GNG2: variants seen among roughly 807,000 people sequenced by gnomAD.
GNG2 encodes guanine nucleotide-binding protein G(I)/G(S)/G(O) subunit gamma-2.
A neutral mutation model predicts 5.5 loss-of-function variants in GNG2; 5 were observed. The observed-to-expected ratio is 0.91, with a 90% CI of 0.48 to 1.92. The LOEUF is 1.92. Among genes scored for constraint, GNG2 ranks in the 30% most tolerant of loss-of-function variants. GNG2 has a pLI of 0.01. For missense variants in GNG2, 55 were observed against 88.4 expected (o/e 0.62, Z 1.52); for synonymous variants, 28 against 32.0 (o/e 0.88, Z 0.42).
At chr14:51,850,973 G>A (rs1881881345) in intron 2 of GNG2, among the ~76,000 whole-genome samples, 1 of 152,222 alleles carries the variant, frequency 6.6e-6, no homozygotes, top group Admixed American at 6.5e-5. Flanking sequence ...TTCAACATGA[G>A]ATTTGGGTGG....
chr14:51,946,018 C>T (rs1888623404), intron 2 of GNG2, among the ~76,000 whole-genome samples: 1 of 152,174 alleles, frequency 6.6e-6, no homozygotes, highest in African/African-American at 2.4e-5. Flanking sequence ...TTTCAGGAAA[C>T]AGCTAGAAAG....
intron 2 of GNG2, among the ~76,000 whole-genome samples, chr14:51,834,729 A>C (rs763564757): frequency 3.9e-5 from 6 of 152,206 alleles, no homozygotes; most frequent in Non-Finnish European, 7.3e-5. Context: ...GAATTTGGGA[A>C]CACATCTAGC....
At chr14:51,832,139 GC>G (rs61021613) in intron 2 of GNG2, among the ~76,000 whole-genome samples, 35,310 of 151,704 alleles carry the variant, frequency 0.23, 4,741 homozygotes, top group African/African-American at 0.36. Flanking sequence ...AATTAGTCGG[GC>G]ATGGTGGCAC....
In GNG2 at chr14:51,952,023, T is replaced by G. The variant is rs1889006359; in HGVS notation, c.87+1258T>G. The G allele has an allele frequency of 4.7e-6, 3 of 632,998 alleles. No homozygotes were observed. In the African/African-American group the frequency reaches 5.5e-5, roughly 12 times the overall value. The allele number at this position is 632,998 out of a possible 1,614,324, so 39.2% of individuals were successfully genotyped here. On this transcript the variant is annotated intron_variant, in intron 3 of 3. Coordinates refer to ENST00000556766, the MANE Select transcript of GNG2 (RefSeq NM_053064.5). ...AAATTAGAATCTCCTGGGGTATGAT[T>G]CAGGCATCAGTATTTTTTAAAAAGA... is the stretch of plus-strand genomic sequence containing the variant.
At chr14:51,875,618 A>G (rs1355478718) in intron 1 of GNG2, among the ~76,000 whole-genome samples, 1 of 151,828 alleles carries the variant, frequency 6.6e-6, no homozygotes, top group Non-Finnish European at 1.5e-5. Context: ...ATACTAGAAA[A>G]TGTGTTATAT....
chr14:51,884,356 C>A (rs1236738297), intron 2 of GNG2, among the ~76,000 whole-genome samples: 2 of 152,136 alleles, frequency 1.3e-5, no homozygotes, highest in Admixed American at 6.5e-5. Flanking sequence ...AGTAATAAAC[C>A]TTAATGTAGT....
chr14:51,928,399 T>A (rs537695470), intron 2 of GNG2, among the ~76,000 whole-genome samples: 18 of 152,254 alleles, frequency 1.2e-4, no homozygotes, highest in African/African-American at 4.3e-4. Flanking sequence ...CAAGAACAGA[T>A]AATATCATCC....
chr14:51,875,258 A>C (rs201897925), intron 1 of GNG2, among the ~76,000 whole-genome samples: 3 of 152,316 alleles, frequency 2.0e-5, no homozygotes, highest in East Asian at 3.9e-4. Flanking sequence ...TTCATTGTCT[A>C]AGGTGGCTTG....
chr14:51,923,961 G>A (rs1887168617), intron 2 of GNG2, among the ~76,000 whole-genome samples: 1 of 152,080 alleles, frequency 6.6e-6, no homozygotes, highest in African/African-American at 2.4e-5. Flanking sequence ...CAGAGATGTT[G>A]GAATTTGTAC....
intron 2 of GNG2, among the ~76,000 whole-genome samples, chr14:51,927,403 C>T (rs969305875): frequency 1.6e-4 from 24 of 152,312 alleles, no homozygotes; most frequent in African/African-American, 5.8e-4. Flanking sequence ...TATTTATTAG[C>T]TGGAGAAAAA....
chr14:51,845,826 A>C (rs768251499), intron 2 of GNG2, among the ~76,000 whole-genome samples: 17 of 152,180 alleles, frequency 1.1e-4, no homozygotes, highest in Non-Finnish European at 1.8e-4. Context: ...CCAGTTTGGG[A>C]CGTGCTGGCC....
chr14:51,948,878 T>C (rs929102101), intron 2 of GNG2, among the ~76,000 whole-genome samples: 3 of 152,024 alleles, frequency 2.0e-5, no homozygotes, highest in South Asian at 2.1e-4. Flanking sequence ...TCGCAGCACT[T>C]TGGGAGGCCG....
intron 2 of GNG2, among the ~76,000 whole-genome samples, chr14:51,893,576 T>C (rs1884998061): frequency 6.6e-6 from 1 of 152,116 alleles, no homozygotes; most frequent in South Asian, 2.1e-4. Context: ...TCATACTTTT[T>C]CTTTTTCTTT....
intron 2 of GNG2, among the ~76,000 whole-genome samples, chr14:51,832,732 G>T (rs1881231717): frequency 6.6e-6 from 1 of 152,160 alleles, no homozygotes; most frequent in South Asian, 2.1e-4. Context: ...CTTCTTATAA[G>T]GGCACTAATT....
chr14:51,920,232 C>T (rs76569378), intron 2 of GNG2, among the ~76,000 whole-genome samples: 1,868 of 152,226 alleles, frequency 0.012, 18 homozygotes, highest in Middle Eastern at 0.024. Flanking sequence ...ATTTTGGTAT[C>T]CACAGGGGTC....
At chr14:51,876,402 A>G (rs773301316) in intron 1 of GNG2, among the ~76,000 whole-genome samples, 8 of 152,178 alleles carry the variant, frequency 5.3e-5, no homozygotes, top group Non-Finnish European at 1.2e-4. Context: ...GAGTGGCATC[A>G]CTAAAACAAT....
intron 2 of GNG2, among the ~76,000 whole-genome samples, chr14:51,828,995 A>C (rs1382704880): frequency 1.3e-5 from 2 of 152,192 alleles, no homozygotes; most frequent in African/African-American, 2.4e-5. Context: ...GGGAATGCCA[A>C]GGTCCACAGT....
intron 2 of GNG2, among the ~76,000 whole-genome samples, chr14:51,894,585 C>T (rs1885064074): frequency 6.6e-6 from 1 of 152,086 alleles, no homozygotes; most frequent in South Asian, 2.1e-4. Context: ...TCTTTTAGTT[C>T]TAGATCAGTC....
intron 2 of GNG2, among the ~76,000 whole-genome samples, chr14:51,837,646 CAAAA>C (rs35065027): frequency 8.1e-6 from 1 of 123,116 alleles, no homozygotes; most frequent in African/African-American, 3.1e-5. Context: ...GACTCCGTTT[CAAAA>C]AAAAAAAAAA....
Sources: allele counts gnomAD v4.1 joint callset (sites outside exome capture counted in the v4.1 genomes callset), GRCh38; gene constraint gnomAD v4.1.1; transcripts MANE v1.5; gene names NCBI Gene and HGNC (gene_info 2026-07-23, HGNC 2026-07-21).